The following ADARB2 variants were observed in gnomAD, a reference collection of about 807,000 sequenced individuals.
ADARB2 encodes the protein inactive double-stranded RNA-specific editase B2.
A neutral mutation model predicts 62.2 loss-of-function variants in ADARB2; 25 were observed. That is an observed-to-expected ratio of 0.40 (90% CI 0.29 to 0.56). The LOEUF (loss-of-function observed/expected upper bound fraction) is 0.56. Among genes scored for constraint, ADARB2 ranks in the 20% least tolerant of loss-of-function variants. The pLI, the probability that ADARB2 is intolerant of heterozygous loss-of-function variation, is 0.43. For synonymous variants in ADARB2, 572 were observed against 500.8 expected, an observed-to-expected ratio of 1.14 and a Z score of -1.90; for missense variants, 1,071 against 1,077.4, an observed-to-expected ratio of 0.99 and a Z score of 0.08.
rs536466872 is a variant in ADARB2, at chr10:1,653,565, A to C, written c.100+83486T>G. The stretch of plus-strand genomic sequence containing the variant: ...GTGTGCCTGCAGAGCCACAGTCTCC[A>C]CCCCACGCCTCATGTGCCTGCAGAG... On this transcript the variant is annotated intron_variant, in intron 1 of 9. Transcript: ENST00000381312. Among the ~76,000 whole-genome samples, 1,283 of 141,876 alleles carry C rather than the reference A, an allele frequency of 9.0e-3. 15 individuals are homozygous for C. Among genetic ancestry groups the C allele is most frequent in the East Asian group, 0.041 (208 of 5,092 alleles). The allele number at this position is 141,876 out of a possible 152,430, so 93.1% of individuals were successfully genotyped here.
intron 1 of ADARB2, among the ~76,000 whole-genome samples, chr10:1,607,429 G>A (rs556067761): frequency 5.3e-5 from 8 of 152,274 alleles, no homozygotes; most frequent in Admixed American, 1.3e-4. Context: ...ACCTAACCTC[G>A]GCTCTGAAGT....
At chr10:1,661,563 G>C (rs1174101363) in intron 1 of ADARB2, among the ~76,000 whole-genome samples, 1 of 152,208 alleles carries the variant, frequency 6.6e-6, no homozygotes, top group Non-Finnish European at 1.5e-5. Flanking sequence ...AGCACCTAGA[G>C]TGCAGACAAG....
chr10:1,363,859 T>C lies in ADARB2; in HGVS notation c.246A>G (p.Pro82=). ...NRNVGNLAAR[P]PPSGDRARGG... ...CCCGGGCCCGGTCCCCGGAGGGCGG[T>C]GGCCGCGCGGCCAGGTTGCCCACGT... is the stretch of plus-strand genomic sequence containing the variant. Residue 82 remains proline, a synonymous_variant, in exon 3 of 10, where the codon CCA becomes CCG. Transcript: ENST00000381312. 2 of 1,513,054 alleles carry C rather than the reference T, an allele frequency of 1.3e-6. No homozygotes were observed. Among genetic ancestry groups the C allele is most frequent in the Non-Finnish European group, 1.8e-6 (2 of 1,140,518 alleles). The allele number at this position is 1,513,054 out of a possible 1,614,324, so 93.7% of individuals were successfully genotyped here.
intron 1 of ADARB2, among the ~76,000 whole-genome samples, chr10:1,416,862 GA>G (rs1832808581): frequency 6.6e-6 from 1 of 152,258 alleles, no homozygotes. Context: ...TGATGTGGGA[GA>G]GAGAAGGTGT....
intron 1 of ADARB2, among the ~76,000 whole-genome samples, chr10:1,512,707 C>T (rs1287152346): frequency 6.6e-6 from 1 of 152,264 alleles, no homozygotes; most frequent in Non-Finnish European, 1.5e-5. Flanking sequence ...GGGGTCATAG[C>T]TTCAGCCACA....
intron 1 of ADARB2, among the ~76,000 whole-genome samples, chr10:1,484,899 T>G (rs1332934552): frequency 6.6e-6 from 1 of 152,188 alleles, no homozygotes. Flanking sequence ...GATTTGTAGG[T>G]GCACTTGTAG....
At chr10:1,198,045 T>C (rs1836934161) in intron 8 of ADARB2, among the ~76,000 whole-genome samples, 1 of 152,246 alleles carries the variant, frequency 6.6e-6, no homozygotes, top group Non-Finnish European at 1.5e-5. Context: ...CAGGAAATAA[T>C]GCAACTTTTG....
At chr10:1,452,637 A>G (rs1352262340) in intron 1 of ADARB2, among the ~76,000 whole-genome samples, 2 of 65,198 alleles carry the variant, frequency 3.1e-5, no homozygotes, top group Non-Finnish European at 5.8e-5. Context: ...AATATCACAC[A>G]CTGGGGCCTG....
chr10:1,673,459 C>T (rs538998530), intron 1 of ADARB2, among the ~76,000 whole-genome samples: 1 of 152,030 alleles, frequency 6.6e-6, no homozygotes, highest in African/African-American at 2.4e-5. Context: ...TGATGAAGCC[C>T]TGTCGTTGAA....
At chr10:1,399,549 C>T (rs758313374) in intron 1 of ADARB2, among the ~76,000 whole-genome samples, 1 of 152,160 alleles carries the variant, frequency 6.6e-6, no homozygotes, top group Non-Finnish European at 1.5e-5. Context: ...TGGGGTCCCT[C>T]TGCCTCTCAG....
chr10:1,626,782 G>A (rs1364936959), intron 1 of ADARB2, among the ~76,000 whole-genome samples: 1 of 152,128 alleles, frequency 6.6e-6, no homozygotes, highest in Non-Finnish European at 1.5e-5. Context: ...GGTCTGAAGT[G>A]GCCCGATTGT....
At chr10:1,668,623 A>C (rs1227718249) in intron 1 of ADARB2, among the ~76,000 whole-genome samples, 1 of 152,206 alleles carries the variant, frequency 6.6e-6, no homozygotes, top group Non-Finnish European at 1.5e-5. Flanking sequence ...AATAGCAATT[A>C]GGGCTGAACA....
chr10:1,607,416 A>G (rs926691344), intron 1 of ADARB2, among the ~76,000 whole-genome samples: 26 of 152,312 alleles, frequency 1.7e-4, no homozygotes, highest in African/African-American at 6.0e-4. Flanking sequence ...TCTGTGTCCC[A>G]AGACCTAACC....
chr10:1,414,979 GGAT>G (rs1832789954), intron 1 of ADARB2, among the ~76,000 whole-genome samples: 1 of 151,458 alleles, frequency 6.6e-6, no homozygotes. Context: ...TGAATGGATA[GGAT>G]GATAGAAGGT....
At chr10:1,668,158 G>C (rs978434974) in intron 1 of ADARB2, among the ~76,000 whole-genome samples, 2 of 152,234 alleles carry the variant, frequency 1.3e-5, no homozygotes, top group African/African-American at 4.8e-5. Flanking sequence ...CCACTCGGCT[G>C]TCATCCCCAC....
rs970273488 is a variant in ADARB2 at position 1,574,591 on chromosome 10, C to T, written c.100+162460G>A. Among the ~76,000 whole-genome samples the T allele has an allele frequency of 2.0e-5, 3 of 152,096 alleles. No homozygotes were observed. The East Asian group carries it at 5.8e-4, about 29-fold the overall frequency. Reference sequence around the variant, plus strand: ...GGCAGGGCTGGTTCCTCCTAAGGTCCCTGTCCTTATAGACCCTGCTGTCTC... The same window carrying T: ...GGCAGGGCTGGTTCCTCCTAAGGTCTCTGTCCTTATAGACCCTGCTGTCTC... On this transcript the variant is annotated intron_variant, in intron 1 of 9. Transcript: ENST00000381312.
At chr10:1,540,396 T>A (rs1433485215) in intron 1 of ADARB2, among the ~76,000 whole-genome samples, 2 of 134,376 alleles carry the variant, frequency 1.5e-5, no homozygotes, top group Admixed American at 1.5e-4. Context: ...CCAGGGCACG[T>A]GAGTCTCACC....
chr10:1,625,346 G>A (rs926385715), intron 1 of ADARB2, among the ~76,000 whole-genome samples: 1 of 152,236 alleles, frequency 6.6e-6, no homozygotes, highest in South Asian at 2.1e-4. Context: ...AGTCGACGTG[G>A]GTTGCAATCC....
chr10:1,199,708 C>T (rs1836958933), intron 8 of ADARB2: 1 of 416,120 alleles, frequency 2.4e-6, no homozygotes, highest in Non-Finnish European at 4.2e-6. Flanking sequence ...GTTTTCAGAA[C>T]TCCTTCAGAC....
Sources: gnomAD v4.1 joint callset for allele counts (sites outside exome capture counted in the v4.1 genomes callset) on GRCh38, gnomAD v4.1.1 for gene constraint, MANE v1.5 for transcripts, NCBI Gene and HGNC (gene_info 2026-07-23, HGNC 2026-07-21) for gene names.